Variants in FOXP2 observed in about 807,000 individuals in gnomAD.
The protein encoded by FOXP2 is forkhead box P2, also known as forkhead box protein P2.
A neutral mutation model predicts 115.8 loss-of-function variants in FOXP2; 12 were observed. The observed-to-expected ratio is 0.10, with a 90% confidence interval of 0.07 to 0.17. The LOEUF (loss-of-function observed/expected upper bound fraction) is 0.17, where lower values mean the gene tolerates loss of function less well. Ranked by LOEUF, FOXP2 falls within the 10% of genes least tolerant of loss-of-function variation. The pLI is 1.00. For synonymous variants in FOXP2, 328 were observed against 297.7 expected (o/e 1.10, Z -1.05); for missense variants, 629 against 843.5 (o/e 0.75, Z 3.15).
intron 2 of FOXP2, among the ~76,000 whole-genome samples, chr7:114,518,473 G>A (rs951446443): frequency 7.2e-5 from 11 of 151,814 alleles, no homozygotes; most frequent in Non-Finnish European, 1.5e-4. Flanking sequence ...AGAATTGCCT[G>A]TAACAGTAAC....
intron 16 of FOXP2, chr7:114,669,808 A>AC (rs1217882657): frequency 6.6e-6 from 1 of 152,056 alleles, no homozygotes; most frequent in African/African-American, 2.4e-5. Context: ...TTAATGATGT[A>AC]CCCACCATGT....
Position 114,692,891 on chromosome 7 carries a change from T to C in FOXP2, c.*2965T>C, listed in dbSNP as rs530179782. 353 of 454,138 alleles carry C rather than the reference T, an allele frequency of 7.8e-4. 7 individuals carry two copies. Among genetic ancestry groups the C allele is most frequent in the South Asian group, 5.4e-3 (349 of 64,466 alleles). The allele number at this position is 454,138 out of a possible 1,614,324, so 28.1% of individuals were successfully genotyped here. A position where few individuals can be genotyped will look rare whatever the true frequency, so the allele number is the denominator to read the frequency against. Reference sequence around the variant, plus strand: ...ATTACTGTGTACTATGTTCATACTTTGAATTCTCTGACGTTAGAAGTCATG... The same window carrying C: ...ATTACTGTGTACTATGTTCATACTTCGAATTCTCTGACGTTAGAAGTCATG... On this transcript the variant is annotated 3_prime_UTR_variant, in exon 17 of 17. Coordinates refer to ENST00000350908, the MANE Select transcript of FOXP2 (RefSeq NM_014491.4).
chr7:114,203,725 T>C (rs572430086), intron 1 of FOXP2, among the ~76,000 whole-genome samples: 2 of 152,224 alleles, frequency 1.3e-5, no homozygotes, highest in Non-Finnish European at 1.5e-5. Context: ...TTCTCCTTTC[T>C]ACTGTTCTCT....
chr7:114,392,067 A>G (rs1792616647), intron 2 of FOXP2, among the ~76,000 whole-genome samples: 2 of 152,206 alleles, frequency 1.3e-5, no homozygotes, highest in African/African-American at 4.8e-5. Flanking sequence ...GAATGTCATA[A>G]TTTGTTCAAT....
At chr7:114,400,270 A>G (rs763003619) in intron 2 of FOXP2, among the ~76,000 whole-genome samples, 12 of 152,224 alleles carry the variant, frequency 7.9e-5, no homozygotes, top group South Asian at 2.1e-4. Flanking sequence ...GTAAAACTCC[A>G]TTTCTTATAA....
intron 3 of FOXP2, among the ~76,000 whole-genome samples, chr7:114,550,008 T>A (rs1800120284): frequency 1.3e-5 from 2 of 152,004 alleles, no homozygotes; most frequent in Admixed American, 6.6e-5. Flanking sequence ...CATAGGCCAG[T>A]AAGTTAAACT....
chr7:114,143,461 C>A (rs955825925), intron 1 of FOXP2, among the ~76,000 whole-genome samples: 5 of 151,972 alleles, frequency 3.3e-5, no homozygotes, highest in East Asian at 3.9e-4. Flanking sequence ...AATGCCCCCC[C>A]ACCCCCAGTC....
chr7:114,628,805 C>T, intron 4 of FOXP2, 128 bp downstream of exon 4: 1 of 1,108,966 alleles, frequency 9.0e-7, no homozygotes, highest in Non-Finnish European at 1.3e-6. Flanking sequence ...CGTGCTAGAA[C>T]ATAAATGTAA....
chr7:114,307,764 A>G (rs1797051281), intron 2 of FOXP2, among the ~76,000 whole-genome samples: 1 of 152,198 alleles, frequency 6.6e-6, no homozygotes, highest in African/African-American at 2.4e-5. Flanking sequence ...GTTTGAATAC[A>G]TATTGGCATT....
intron 2 of FOXP2, among the ~76,000 whole-genome samples, chr7:114,400,831 TG>T (rs1562905044): frequency 6.6e-6 from 1 of 151,962 alleles, no homozygotes; most frequent in Non-Finnish European, 1.5e-5. Flanking sequence ...GCCCAGGGGT[TG>T]GGGACCCCTG....
chr7:114,132,226 T>C (rs946321359), intron 1 of FOXP2, among the ~76,000 whole-genome samples: 1 of 152,186 alleles, frequency 6.6e-6, no homozygotes, highest in African/African-American at 2.4e-5. Context: ...ATAATTCTGA[T>C]TTTTAAACAA....
intron 3 of FOXP2, among the ~76,000 whole-genome samples, chr7:114,593,510 A>G (rs1222660699): frequency 6.6e-6 from 1 of 152,038 alleles, no homozygotes; most frequent in Admixed American, 6.6e-5. Context: ...TTATATGATC[A>G]ATGATAAAAA....
intron 3 of FOXP2, among the ~76,000 whole-genome samples, chr7:114,600,286 C>CA (rs936756686): frequency 2.2e-4 from 34 of 152,140 alleles, no homozygotes; most frequent in African/African-American, 8.2e-4. Context: ...GCAGCCTTTT[C>CA]AAATTTACTT....
intron 1 of FOXP2, among the ~76,000 whole-genome samples, chr7:114,280,718 T>C (rs1053987972): frequency 6.6e-6 from 1 of 152,178 alleles, no homozygotes; most frequent in Admixed American, 6.5e-5. Flanking sequence ...TATTAGAATA[T>C]AATAATTATT....
At chr7:114,383,024 G>A (rs538233599) in intron 2 of FOXP2, among the ~76,000 whole-genome samples, 76 of 152,306 alleles carry the variant, frequency 5.0e-4, no homozygotes, top group Non-Finnish European at 9.7e-4. Flanking sequence ...GCTGGCCTGT[G>A]GGGAATCATT....
intron 3 of FOXP2, among the ~76,000 whole-genome samples, chr7:114,580,290 AAAG>A (rs1407037291): frequency 6.6e-6 from 1 of 152,184 alleles, no homozygotes; most frequent in Non-Finnish European, 1.5e-5. Context: ...CAGATTTAAG[AAAG>A]AAGGACGGGC....
At chr7:114,481,404 T>A (rs943670994) in intron 2 of FOXP2, among the ~76,000 whole-genome samples, 3 of 151,270 alleles carry the variant, frequency 2.0e-5, no homozygotes, top group Non-Finnish European at 3.0e-5. Flanking sequence ...CAACTTTGAG[T>A]CACAATAAAT....
intron 8 of FOXP2, among the ~76,000 whole-genome samples, chr7:114,646,473 G>T (rs1805902207): frequency 6.7e-6 from 1 of 148,490 alleles, no homozygotes; most frequent in African/African-American, 2.6e-5. Flanking sequence ...TCATGCCAGT[G>T]TTTTTTAAAA....
chr7:114,488,591 T>G (rs1796898324), intron 2 of FOXP2, among the ~76,000 whole-genome samples: 1 of 152,136 alleles, frequency 6.6e-6, no homozygotes, highest in Non-Finnish European at 1.5e-5. Context: ...AATTTTGCTG[T>G]TTTTACAACA....
Sources: gnomAD v4.1 joint callset for allele counts (sites outside exome capture counted in the v4.1 genomes callset) on GRCh38, gnomAD v4.1.1 for gene constraint, MANE v1.5 for transcripts, NCBI Gene and HGNC (gene_info 2026-07-23, HGNC 2026-07-21) for gene names.